CERKL: variants seen among roughly 807,000 people sequenced by gnomAD.
CERKL encodes the protein ceramide kinase-like protein.
A neutral mutation model predicts 63.4 loss-of-function variants in CERKL; 61 were observed. The ratio of observed to expected loss-of-function variants is 0.96; its 90% confidence interval spans 0.78 to 1.19. The LOEUF is 1.19. Ranked by LOEUF, CERKL falls within the 50% of genes most tolerant of loss-of-function variation. The probability of loss-of-function intolerance (pLI) is 0.00; values close to 1 mark genes in which losing one functional copy is unlikely to be tolerated. For synonymous variants in CERKL, 250 were observed against 230.5 expected, an observed-to-expected ratio of 1.08 and a Z score of -0.77; for missense variants, 675 against 655.5, an observed-to-expected ratio of 1.03 and a Z score of -0.33.
At chr2:181,587,188 T>A (rs1037721426) in intron 2 of CERKL, among the ~76,000 whole-genome samples, 5 of 152,342 alleles carry the variant, frequency 3.3e-5, no homozygotes, top group Non-Finnish European at 5.9e-5. Flanking sequence ...TAGATGCAGA[T>A]CTTTACATAC....
chr2:181,568,687 AT>A (rs1341900398), intron 3 of CERKL, among the ~76,000 whole-genome samples: 254 of 141,536 alleles, frequency 1.8e-3, no homozygotes, highest in African/African-American at 5.7e-3. Context: ...TTTTTTTTTA[AT>A]TTTTTTTTAT....
chr2:181,584,673 T>G (rs1684681870), intron 2 of CERKL, among the ~76,000 whole-genome samples: 1 of 151,816 alleles, frequency 6.6e-6, no homozygotes, highest in Admixed American at 6.6e-5. Context: ...TTAATCCATT[T>G]TTCATTTAAC....
intron 1 of CERKL, among the ~76,000 whole-genome samples, chr2:181,618,781 T>C (rs1686324190): frequency 6.6e-6 from 1 of 152,164 alleles, no homozygotes; most frequent in Non-Finnish European, 1.5e-5. Flanking sequence ...ATATCAATGG[T>C]TATAACTTAA....
rs1463523847 is a variant in CERKL at position 181,562,849 on chromosome 2, T to A, written c.677+3209A>T. Among the ~76,000 whole-genome samples the A allele has an allele frequency of 2.0e-5, 3 of 152,206 alleles. No homozygotes were observed. In the East Asian group the frequency reaches 5.8e-4, roughly 29 times the overall value. On this transcript the variant is annotated intron_variant, in intron 4 of 12. Transcript: ENST00000410087. ...TTTTCTTTCTGGAAAAGTTTGTTTT[T>A]GTTTTTGCTTTTTACCTTACTAAGT... is the stretch of plus-strand genomic sequence containing the variant.
chr2:181,643,786 T>C (rs993843942), intron 1 of CERKL, among the ~76,000 whole-genome samples: 2 of 152,320 alleles, frequency 1.3e-5, no homozygotes, highest in Non-Finnish European at 1.5e-5. Flanking sequence ...TACTAATATA[T>C]GAGCTTAACA....
intron 1 of CERKL, among the ~76,000 whole-genome samples, chr2:181,610,272 G>T (rs1317502514): frequency 6.6e-6 from 1 of 152,096 alleles, no homozygotes; most frequent in Non-Finnish European, 1.5e-5. Context: ...AGTAATCAAA[G>T]AAATGCAAAT....
chr2:181,652,129 T>C (rs1042132632), intron 1 of CERKL, among the ~76,000 whole-genome samples: 14 of 152,000 alleles, frequency 9.2e-5, no homozygotes, highest in Admixed American at 7.9e-4. Flanking sequence ...CCAACACCAT[T>C]CTTTACAGAA....
In CERKL at chr2:181,537,718, G is replaced by T. The variant is rs1211179783; in HGVS notation, c.*466C>A. The T allele has an allele frequency of 1.9e-5, 8 of 425,778 alleles. No individual in the cohort carries two copies. Among genetic ancestry groups the T allele is most frequent in the African/African-American group, 1.0e-4 (5 of 48,290 alleles). 26.4% of individuals were successfully genotyped at this position (425,778 alleles called of 1,614,324 possible). ...ATTATGATGGTTGCAAAGTTTTTTT[G>T]TGTGTCCAATAAACACATTGTAAAA... On this transcript the variant is annotated 3_prime_UTR_variant, in exon 13 of 13. Transcript: ENST00000410087.
At position 181,537,131 on chromosome 2, in the gene CERKL, C is replaced by CTT. The variant is rs1442073729; in HGVS notation, c.*1051_*1052dup. The CTT allele has an allele frequency of 2.2e-6, 1 of 453,306 alleles. No individual in the cohort carries two copies. Among genetic ancestry groups the CTT allele is most frequent in the East Asian group, 6.9e-5 (1 of 14,390 alleles). The allele number at this position is 453,306 out of a possible 1,614,324, so 28.1% of individuals were successfully genotyped here. A position where few individuals can be genotyped will look rare whatever the true frequency, so the allele number is the denominator to read the frequency against. On this transcript the variant is annotated 3_prime_UTR_variant, in exon 13 of 13. Transcript: ENST00000410087. ...ATGACATTTATGTATTTTTAAAAAA[C>CTT]TTTGTATCGTTATAAAAAGGCTAGT...
At chr2:181,548,468 G>A in intron 8 of CERKL, 77 bp downstream of exon 8, 5 of 1,074,964 alleles carry the variant, frequency 4.7e-6, no homozygotes, top group Non-Finnish European at 1.4e-6. Context: ...AAGATCCTAA[G>A]TCTGATCAAT....
rs1428977352 is a variant in CERKL at position 181,537,982 on chromosome 2, G to C, written c.*202C>G. ...GGTGAACTGGTATGTGAGGGATCTA[G>C]AGTGCCATGTTCCTCAAGAGAATCT... On this transcript the variant is annotated 3_prime_UTR_variant, in exon 13 of 13. Coordinates refer to ENST00000410087, the MANE Select transcript of CERKL (RefSeq NM_201548.5). 3 of 668,646 alleles carry C rather than the reference G, an allele frequency of 4.5e-6. No individual in the cohort carries two copies. In the South Asian group the frequency reaches 4.5e-5, roughly 10 times the overall value. 41.4% of individuals were successfully genotyped at this position (668,646 alleles called of 1,614,324 possible).
At chr2:181,599,781 T>C (rs1685380623) in intron 2 of CERKL, among the ~76,000 whole-genome samples, 1 of 152,054 alleles carries the variant, frequency 6.6e-6, no homozygotes, top group Admixed American at 6.6e-5. Flanking sequence ...GAAAACATAT[T>C]TGAGGCAATA....
At chr2:181,628,904 T>G (rs115954046) in intron 1 of CERKL, among the ~76,000 whole-genome samples, 1 of 152,290 alleles carries the variant, frequency 6.6e-6, no homozygotes, top group African/African-American at 2.4e-5. Flanking sequence ...CAACATCTGT[T>G]GCTTTGCATT....
At chr2:181,597,779 C>A (rs1685281428) in intron 2 of CERKL, among the ~76,000 whole-genome samples, 1 of 152,172 alleles carries the variant, frequency 6.6e-6, no homozygotes, top group Non-Finnish European at 1.5e-5. Context: ...CTCTGTAGCA[C>A]CAGATCCCCA....
intron 11 of CERKL, among the ~76,000 whole-genome samples, chr2:181,540,327 T>A (rs964096734): frequency 2.0e-5 from 3 of 152,226 alleles, no homozygotes; most frequent in African/African-American, 7.2e-5. Flanking sequence ...ACATAATCAT[T>A]CATGTTAGTT....
intron 1 of CERKL, among the ~76,000 whole-genome samples, chr2:181,617,727 A>G (rs1287961546): frequency 6.6e-6 from 1 of 152,224 alleles, no homozygotes; most frequent in Non-Finnish European, 1.5e-5. Flanking sequence ...TCAAAGTACA[A>G]GACAGACCAA....
At chr2:181,583,107 C>A (rs1285448865) in intron 2 of CERKL, among the ~76,000 whole-genome samples, 1 of 151,762 alleles carries the variant, frequency 6.6e-6, no homozygotes, top group South Asian at 2.1e-4. Context: ...AATCAAATAA[C>A]CCCAGTTGCG....
At chr2:181,621,485 A>C (rs1047733371) in intron 1 of CERKL, among the ~76,000 whole-genome samples, 1 of 152,178 alleles carries the variant, frequency 6.6e-6, no homozygotes, top group Non-Finnish European at 1.5e-5. Flanking sequence ...AATTGATTCA[A>C]AGAGTCTGAT....
chr2:181,611,717 G>A (rs1344151102), intron 1 of CERKL, among the ~76,000 whole-genome samples: 1 of 152,076 alleles, frequency 6.6e-6, no homozygotes, highest in Non-Finnish European at 1.5e-5. Context: ...TGACTAGAAA[G>A]ATGTTCAAAA....
Sources: allele counts gnomAD v4.1 joint callset (sites outside exome capture counted in the v4.1 genomes callset), GRCh38; gene constraint gnomAD v4.1.1; transcripts MANE v1.5; gene names NCBI Gene and HGNC (gene_info 2026-07-23, HGNC 2026-07-21).